Variants in NELL1 observed in about 807,000 individuals in gnomAD.
NELL1 encodes the protein protein kinase C-binding protein NELL1.
A neutral mutation model predicts 107.4 loss-of-function variants in NELL1; 76 were observed. The ratio of observed to expected loss-of-function variants is 0.71; its 90% confidence interval spans 0.59 to 0.86. NELL1 has a LOEUF of 0.86. NELL1 is among the 40% of genes least tolerant of loss of function. NELL1 has a pLI of 0.00. For synonymous variants in NELL1, 353 were observed against 341.2 expected, an observed-to-expected ratio of 1.03 and a Z score of -0.38; for missense variants, 1,024 against 1,005.5, an observed-to-expected ratio of 1.02 and a Z score of -0.25.
At chr11:21,466,355 G>A (rs1041612397) in intron 15 of NELL1, among the ~76,000 whole-genome samples, 7 of 152,070 alleles carry the variant, frequency 4.6e-5, no homozygotes, top group Admixed American at 4.6e-4. Flanking sequence ...GTCAGGACAA[G>A]GAAACAGCTA....
chr11:21,152,932 G>T (rs894999908), intron 13 of NELL1, among the ~76,000 whole-genome samples: 2 of 152,100 alleles, frequency 1.3e-5, no homozygotes, highest in African/African-American at 4.8e-5. Flanking sequence ...CTTTCTCACA[G>T]AAGAGTCTGA....
intron 4 of NELL1, among the ~76,000 whole-genome samples, chr11:20,873,060 A>G (rs75745000): frequency 0.01 from 1,584 of 152,270 alleles, 30 homozygotes; most frequent in African/African-American, 0.036. Flanking sequence ...TATCACTGGA[A>G]ACTAACACCT....
intron 12 of NELL1, among the ~76,000 whole-genome samples, chr11:21,090,555 T>C (rs1854497582): frequency 1.3e-5 from 2 of 152,186 alleles, no homozygotes; most frequent in Admixed American, 1.3e-4. Flanking sequence ...CTGTGTGACG[T>C]TGAGCTCATG....
chr11:21,267,230 AG>A (rs1229151275), intron 14 of NELL1, among the ~76,000 whole-genome samples: 1 of 152,118 alleles, frequency 6.6e-6, no homozygotes, highest in African/African-American at 2.4e-5. Context: ...TCATTCAAAT[AG>A]TGTGTGCAAT....
At position 20,942,911 on chromosome 11, in the gene NELL1, A is replaced by G. The variant is rs529075617; in HGVS notation, c.1072-4425A>G. Among the ~76,000 whole-genome samples, 58 of 152,306 alleles carry G rather than the reference A, an allele frequency of 3.8e-4. No homozygotes were observed. In the South Asian group the frequency reaches 0.012, roughly 30 times the overall value. The stretch of plus-strand genomic sequence containing the variant: ...GGGTCACTATTATGATTCAATGTCT[A>G]TTATCAAAGAGGAGCCAGGCAGACA... On this transcript the variant is annotated intron_variant, in intron 10 of 19. Coordinates refer to ENST00000357134, the MANE Select transcript of NELL1 (RefSeq NM_006157.5).
intron 15 of NELL1, among the ~76,000 whole-genome samples, chr11:21,509,676 TAAA>T (rs1306805475): frequency 1.3e-5 from 2 of 152,188 alleles, no homozygotes; most frequent in African/African-American, 4.8e-5. Context: ...ACAGGAATGA[TAAA>T]ACTACAGTCA....
At chr11:21,142,129 T>A (rs924251493) in intron 13 of NELL1, among the ~76,000 whole-genome samples, 1 of 152,226 alleles carries the variant, frequency 6.6e-6, no homozygotes, top group Non-Finnish European at 1.5e-5. Context: ...AAAAGTCATA[T>A]GCTCTGAAAC....
intron 15 of NELL1, among the ~76,000 whole-genome samples, chr11:21,527,920 T>C (rs1439824275): frequency 7.9e-5 from 12 of 152,188 alleles, no homozygotes; most frequent in Admixed American, 3.9e-4. Flanking sequence ...CTCACCCAGA[T>C]TGAGGGTGGG....
intron 14 of NELL1, among the ~76,000 whole-genome samples, chr11:21,232,321 C>T (rs1236253961): frequency 2.2e-5 from 3 of 134,734 alleles, no homozygotes; most frequent in Non-Finnish European, 3.2e-5. Context: ...CAGAGCAACA[C>T]TCCATCTCAA....
At chr11:20,925,647 T>C (rs1011249343) in intron 7 of NELL1, among the ~76,000 whole-genome samples, 1 of 152,062 alleles carries the variant, frequency 6.6e-6, no homozygotes, top group African/African-American at 2.4e-5. Flanking sequence ...GAAGGAGTGA[T>C]AGGAAGCTAA....
intron 12 of NELL1, among the ~76,000 whole-genome samples, chr11:21,007,004 ATATATT>A (rs1445516807): frequency 2.0e-5 from 3 of 152,086 alleles, no homozygotes; most frequent in Admixed American, 1.3e-4. Context: ...TGATATATTG[ATATATT>A]TATATATAAC....
intron 12 of NELL1, among the ~76,000 whole-genome samples, chr11:21,006,937 A>G (rs1321699023): frequency 6.6e-6 from 1 of 152,182 alleles, no homozygotes; most frequent in Admixed American, 6.6e-5. Flanking sequence ...TGCAAAGCAC[A>G]AAATAAAGAT....
chr11:20,752,315 C>T (rs865857270), intron 2 of NELL1, among the ~76,000 whole-genome samples: 6 of 152,128 alleles, frequency 3.9e-5, no homozygotes, highest in South Asian at 2.1e-4. Context: ...TTTGGGAGGC[C>T]GAGGCAGGCG....
At chr11:21,001,186 T>C (rs1267222878) in intron 12 of NELL1, among the ~76,000 whole-genome samples, 2 of 152,194 alleles carry the variant, frequency 1.3e-5, no homozygotes, top group African/African-American at 2.4e-5. Context: ...TTTATTATTA[T>C]CCTGTGGTAA....
intron 15 of NELL1, among the ~76,000 whole-genome samples, chr11:21,442,313 C>T (rs1438539824): frequency 6.6e-6 from 1 of 152,034 alleles, no homozygotes; most frequent in Non-Finnish European, 1.5e-5. Context: ...TAACTTTGGC[C>T]AAATATTGGT....
At chr11:21,157,161 ATGTGTGTG>A (rs58571261) in intron 13 of NELL1, among the ~76,000 whole-genome samples, 1 of 149,626 alleles carries the variant, frequency 6.7e-6, no homozygotes, top group African/African-American at 2.5e-5. Flanking sequence ...ATATATATAT[ATGTGTGTG>A]TGTGTGTGTG....
intron 3 of NELL1, among the ~76,000 whole-genome samples, chr11:20,795,532 C>G (rs1398864597): frequency 1.3e-5 from 2 of 152,084 alleles, no homozygotes; most frequent in African/African-American, 4.8e-5. Context: ...TAATATAGAG[C>G]TTTGTTAAAA....
At chr11:21,176,829 A>G (rs1408606852) in intron 13 of NELL1, among the ~76,000 whole-genome samples, 1 of 151,756 alleles carries the variant, frequency 6.6e-6, no homozygotes, top group Admixed American at 6.6e-5. Flanking sequence ...TCTATTATTT[A>G]AGCCATTCAG....
chr11:21,014,494 A>G (rs1255030061), intron 12 of NELL1, among the ~76,000 whole-genome samples: 1 of 152,088 alleles, frequency 6.6e-6, no homozygotes, highest in East Asian at 1.9e-4. Flanking sequence ...AACTTTTCCT[A>G]ACCAAAACTA....
Sources: allele counts gnomAD v4.1 joint callset (sites outside exome capture counted in the v4.1 genomes callset), GRCh38; gene constraint gnomAD v4.1.1; transcripts MANE v1.5; gene names NCBI Gene and HGNC (gene_info 2026-07-23, HGNC 2026-07-21).